BRD2: variants seen among roughly 807,000 people sequenced by gnomAD.
BRD2 encodes bromodomain containing 2, also known as bromodomain-containing protein 2.
In BRD2, 15 loss-of-function variants were observed where a neutral mutation model predicts 79.1. The ratio of observed to expected loss-of-function variants is 0.19; its 90% CI spans 0.13 to 0.29. The LOEUF (loss-of-function observed/expected upper bound fraction) is 0.29, where lower values mean the gene tolerates loss of function less well. BRD2 is among the 10% of genes least tolerant of loss of function. The probability of loss-of-function intolerance (pLI) is 1.00; values close to 1 mark genes in which losing one functional copy is unlikely to be tolerated. For missense variants in BRD2, 1,053 were observed against 991.3 expected (o/e 1.06, Z -0.84); for synonymous variants, 488 against 358.6 (o/e 1.36, Z -4.08).
intron 1 of BRD2, chr6:32,969,483 T>C (rs1189534944): frequency 2.2e-5 from 13 of 599,340 alleles, no homozygotes; most frequent in Non-Finnish European, 4.1e-5. Context: ...CTGAGGTTGT[T>C]CCCAGGCGCC....
In BRD2 at chr6:32,972,812, C is replaced by G; in HGVS notation, c.-87C>G. ...GAGGAACGGCCTCCCCCCAACTTAG[C>G]GGGTTATGCTGGACCGGGCGGTGAG... On this transcript the variant is annotated 5_prime_UTR_variant, in exon 2 of 13. Transcript: ENST00000374825. The G allele has an allele frequency of 1.3e-6, 2 of 1,597,712 alleles. No homozygotes were observed. The highest frequency in any genetic ancestry group is 1.7e-6 in the Non-Finnish European group (2 of 1,168,956).
In BRD2 at chr6:32,980,904, A is replaced by T. The variant is rs973412932; in HGVS notation, c.*186A>T. ...CATTTACTGAAGGAGGGACATGGAC[A>T]AAACAACATTGAATTCCCAGCCCCA... On this transcript the variant is annotated 3_prime_UTR_variant, in exon 13 of 13. Transcript: ENST00000374825. 1.5e-6 allele frequency: 1 copy of T among 685,118 alleles called. No individual in the cohort carries two copies. Among genetic ancestry groups the T allele is most frequent in the African/African-American group, 1.8e-5 (1 of 55,306 alleles). 42.4% of individuals were successfully genotyped at this position (685,118 alleles called of 1,614,324 possible). A position where few individuals can be genotyped will look rare whatever the true frequency, so the allele number is the denominator to read the frequency against.
intron 11 of BRD2, 55 bp downstream of exon 11, chr6:32,980,187 G>C (rs1779334780): frequency 4.4e-6 from 7 of 1,583,320 alleles, no homozygotes; most frequent in Non-Finnish European, 6.0e-6. Context: ...AGGAAAGATG[G>C]TGGGGTCTGT....
Position 32,976,389 on chromosome 6 carries a change from T to C in BRD2, c.750T>C (p.Leu250=). ...IPHPSVISSP[L]LKSLHSAGPP... The stretch of plus-strand genomic sequence containing the variant: ...ACCCATCAGTCATTTCCTCTCCACT[T>C]CTCAAGTCCTTGCACTCTGCTGGAC... Residue 250 remains leucine (L), a synonymous_variant, in exon 6 of 13, where the codon CTT becomes CTC. Transcript: ENST00000374825. 1 of 1,612,900 alleles carries C rather than the reference T, an allele frequency of 6.2e-7. No individual in the cohort carries two copies. Among genetic ancestry groups the C allele is most frequent in the Non-Finnish European group, 8.5e-7 (1 of 1,180,020 alleles).
chr6:32,974,330 C>G (rs138551299), intron 2 of BRD2, 132 bp from the exon 3 acceptor site: 1,256 of 884,342 alleles, frequency 1.4e-3, no homozygotes, highest in Non-Finnish European at 1.4e-3. Flanking sequence ...GATATTGTTT[C>G]TGCTTAAGAA....
chr6:32,979,047 GT>G (rs9282354), intron 10 of BRD2: 9 of 86,880 alleles, frequency 1.0e-4, no homozygotes, highest in South Asian at 6.8e-4. Flanking sequence ...TTTGTGTTTT[GT>G]TTTTTTTTGT....
In BRD2 at chr6:32,980,832, C is replaced by T. The variant is rs1284791820; in HGVS notation, c.*114C>T. The T allele has an allele frequency of 4.7e-5, 60 of 1,263,168 alleles. 1 individual carries two copies. The highest frequency in any genetic ancestry group is 5.5e-6 in the Non-Finnish European group (5 of 905,216). The allele number at this position is 1,263,168 out of a possible 1,614,324, so 78.2% of individuals were successfully genotyped here. The stretch of plus-strand genomic sequence containing the variant: ...CACTTCTTCATCTCACCCCCCCCCG[C>T]CCCCCTCTAGGAGAGCTGGCTCTGC... On this transcript the variant is annotated 3_prime_UTR_variant, in exon 13 of 13. Transcript: ENST00000374825.
At chr6:32,973,527 G>A (rs1778317514) in intron 2 of BRD2, among the ~76,000 whole-genome samples, 2 of 152,150 alleles carry the variant, frequency 1.3e-5, no homozygotes, top group South Asian at 2.1e-4. Flanking sequence ...GGAGGGTAGA[G>A]CTAAGGTTCC....
chr6:32,977,361 C>T, intron 7 of BRD2, 81 bp from the exon 8 acceptor site: 3 of 1,610,848 alleles, frequency 1.9e-6, no homozygotes, highest in Non-Finnish European at 2.5e-6. Flanking sequence ...CAAGAGAGGG[C>T]TCTTCTTGTG....
In BRD2 at chr6:32,969,021, A is replaced by C. The variant is rs1046483457; in HGVS notation, c.-1340A>C. ...ACATACCCCGTACCAAGCCGAGGGC[A>C]ACTTTGGAGGCCCCCTGGAAGGCTT... is the stretch of plus-strand genomic sequence containing the variant. On this transcript the variant is annotated 5_prime_UTR_variant, in exon 1 of 13. Coordinates refer to ENST00000374825, the MANE Select transcript of BRD2 (RefSeq NM_005104.4). 5.7e-5 allele frequency: 18 copies of C among 314,550 alleles called. No individual in the cohort carries two copies. The highest frequency in any genetic ancestry group is 2.4e-4 in the South Asian group (3 of 12,662). 19.5% of individuals were successfully genotyped at this position (314,550 alleles called of 1,614,324 possible).
chr6:32,977,194 A>G (rs1378394742), intron 7 of BRD2: 5 of 1,466,120 alleles, frequency 3.4e-6, no homozygotes, highest in Non-Finnish European at 4.6e-6. Flanking sequence ...GGGTTAAGGA[A>G]GTTATAGGGT....
Position 32,972,478 on chromosome 6 carries a change from A to G in BRD2, c.-421A>G, listed in dbSNP as rs1344301409. Reference sequence around the variant, plus strand: ...AAAGATGGAGGCGGCGGCTCCCTAAACCACTTTTCGTGTTCATCCGCCTCC... The same window carrying G: ...AAAGATGGAGGCGGCGGCTCCCTAAGCCACTTTTCGTGTTCATCCGCCTCC... On this transcript the variant is annotated 5_prime_UTR_variant, in exon 2 of 13. Coordinates refer to ENST00000374825, the MANE Select transcript of BRD2 (RefSeq NM_005104.4). The G allele has an allele frequency of 3.3e-6, 1 of 300,448 alleles. No homozygotes were observed. Among genetic ancestry groups the G allele is most frequent in the African/African-American group, 2.2e-5 (1 of 44,670 alleles). 18.6% of individuals were successfully genotyped at this position (300,448 alleles called of 1,614,324 possible).
At position 32,972,508 on chromosome 6, in the gene BRD2, G is replaced by A. The variant is rs1188899257; in HGVS notation, c.-391G>A. The A allele has an allele frequency of 6.0e-6, 2 of 333,714 alleles. No individual in the cohort carries two copies. The highest frequency in any genetic ancestry group is 2.2e-5 in the African/African-American group (1 of 45,956). 20.7% of individuals were successfully genotyped at this position (333,714 alleles called of 1,614,324 possible). On this transcript the variant is annotated 5_prime_UTR_variant, in exon 2 of 13. Coordinates refer to ENST00000374825, the MANE Select transcript of BRD2 (RefSeq NM_005104.4). Reference sequence around the variant, plus strand: ...TTTTCGTGTTCATCCGCCTCCATCCGAGATCGAAACGGGACCTCGTCGGCC... The same window carrying A: ...TTTTCGTGTTCATCCGCCTCCATCCAAGATCGAAACGGGACCTCGTCGGCC...
intron 3 of BRD2, 75 bp from the exon 4 acceptor site, chr6:32,975,309 T>TGTGTGAGA: frequency 1.9e-6 from 2 of 1,029,890 alleles, no homozygotes; most frequent in Non-Finnish European, 2.8e-6. Flanking sequence ...TGTGTGTGTG[T>TGTGTGAGA]GAGAGTCGGG....
chr6:32,977,117 A>G (rs1778865051), intron 7 of BRD2, 181 bp downstream of exon 7: 1 of 1,221,852 alleles, frequency 8.2e-7, no homozygotes, highest in Non-Finnish European at 1.1e-6. Flanking sequence ...AGTTTGAAAC[A>G]GTAGGGTGGG....
chr6:32,975,351 T>G (rs1778597604), intron 3 of BRD2, 33 bp from the exon 4 acceptor site: 1 of 1,560,328 alleles, frequency 6.4e-7, no homozygotes, highest in Admixed American at 1.7e-5. Flanking sequence ...CATTTATTTT[T>G]CTGTGGTTCT....
chr6:32,976,691 G>GA lies in BRD2; in HGVS notation c.956dup (p.Ser320GlufsTer14). ...AGCACGGCTTCCCCCTATGCGTAGA[G>GA]AGAGTGGTCGCCCCATCAAGCCCCC... On this transcript the variant is annotated frameshift_variant, in exon 7 of 13. Transcript: ENST00000374825. LOFTEE classifies it high-confidence loss of function. 6.2e-7 allele frequency: 1 copy of GA among 1,612,498 alleles called. No homozygotes were observed. Among genetic ancestry groups the GA allele is most frequent in the Non-Finnish European group, 8.5e-7 (1 of 1,179,784 alleles).
At position 32,972,137 on chromosome 6, in the gene BRD2, A is replaced by G. The variant is rs1213055837; in HGVS notation, c.-762A>G. 11 of 656,706 alleles carry G rather than the reference A, an allele frequency of 1.7e-5. No individual in the cohort carries two copies. Among genetic ancestry groups the G allele is most frequent in the East Asian group, 2.8e-5 (1 of 35,822 alleles). The allele number at this position is 656,706 out of a possible 1,614,324, so 40.7% of individuals were successfully genotyped here. A position where few individuals can be genotyped will look rare whatever the true frequency, so the allele number is the denominator to read the frequency against. On this transcript the variant is annotated 5_prime_UTR_variant, in exon 2 of 13. It removes an upstream start codon present in the reference 5' UTR. Coordinates refer to ENST00000374825, the MANE Select transcript of BRD2 (RefSeq NM_005104.4). ...GAAAAGCTCAAGCAGGGTGGCGCGC[A>G]TGAGCGGCGAAGCTCCTCCTCCCCG...
At chr6:32,969,208 G>T (rs974361025) in intron 1 of BRD2, 152 bp downstream of exon 1, 1 of 572,476 alleles carries the variant, frequency 1.7e-6, no homozygotes, top group Non-Finnish European at 3.3e-6. Flanking sequence ...GAGCGTGGAG[G>T]GGGGGCGAGC....
Sources: gnomAD v4.1 joint callset for allele counts (sites outside exome capture counted in the v4.1 genomes callset) on GRCh38, gnomAD v4.1.1 for gene constraint, MANE v1.5 for transcripts, NCBI Gene and HGNC (gene_info 2026-07-23, HGNC 2026-07-21) for gene names.